The following CRYGS variants were observed in gnomAD, a reference collection of about 807,000 sequenced individuals.
The protein encoded by CRYGS is crystallin gamma S, also known as gamma-crystallin S.
CRYGS carries 13 observed loss-of-function variants against 21.3 expected under a neutral mutation model. The ratio of observed to expected loss-of-function variants is 0.61; its 90% confidence interval spans 0.40 to 0.97. The LOEUF (loss-of-function observed/expected upper bound fraction) is 0.97, where lower values mean the gene tolerates loss of function less well. Ranked by LOEUF, CRYGS falls within the 50% of genes least tolerant of loss-of-function variation. The probability of loss-of-function intolerance (pLI) is 0.00; values close to 1 mark genes in which losing one functional copy is unlikely to be tolerated. For synonymous variants in CRYGS, 67 were observed against 75.0 expected (o/e 0.89, Z 0.55); for missense variants, 205 against 229.7 (o/e 0.89, Z 0.69).
chr3:186,539,321 G>A, intron 2 of CRYGS, 34 bp downstream of exon 2: 1 of 1,611,826 alleles, frequency 6.2e-7, no homozygotes, highest in Non-Finnish European at 8.5e-7. Flanking sequence ...AGAGGGCGTG[G>A]GAAACAGAGG....
chr3:186,540,789 T>C, intron 1 of CRYGS: 3 of 830,556 alleles, frequency 3.6e-6, no homozygotes, highest in Non-Finnish European at 1.5e-6. Context: ...AGAGGATCTT[T>C]GAGCTGAGCA....
At position 186,538,588 on chromosome 3, in the gene CRYGS, A is replaced by G; in HGVS notation, c.*108T>C. ...CTAGAAGCATTTAAGGAGAGGCATTATAGTCAGCAGTGGGATGCATGCCAA... is the reference window on the plus strand; with the variant it reads ...CTAGAAGCATTTAAGGAGAGGCATTGTAGTCAGCAGTGGGATGCATGCCAA... On this transcript the variant is annotated 3_prime_UTR_variant, in exon 3 of 3. Transcript: ENST00000307944. 7.1e-7 allele frequency: 1 copy of G among 1,409,150 alleles called. No homozygotes were observed. The highest frequency in any genetic ancestry group is 1.0e-6 in the Non-Finnish European group (1 of 1,003,276). The allele number at this position is 1,409,150 out of a possible 1,614,324, so 87.3% of individuals were successfully genotyped here.
intron 1 of CRYGS, chr3:186,540,654 T>A: frequency 2.7e-6 from 1 of 364,376 alleles, no homozygotes; most frequent in Non-Finnish European, 3.8e-6. Context: ...ACAGGTGTCA[T>A]GCTTCGAACC....
At chr3:186,542,510 C>A (rs1197400869) in intron 1 of CRYGS, among the ~76,000 whole-genome samples, 1 of 152,150 alleles carries the variant, frequency 6.6e-6, no homozygotes, top group Non-Finnish European at 1.5e-5. Context: ...AAATGGCCTA[C>A]TAATCCAATG....
At chr3:186,544,079 A>G (rs1204300873) in intron 1 of CRYGS, among the ~76,000 whole-genome samples, 1 of 152,226 alleles carries the variant, frequency 6.6e-6, no homozygotes, top group Non-Finnish European at 1.5e-5. Context: ...AATTACCTGT[A>G]TAGTATTTAA....
In CRYGS at chr3:186,539,773, A is replaced by C. The variant is rs1035243549; in HGVS notation, c.22-176T>G. 1.6e-5 allele frequency: 11 copies of C among 695,118 alleles called. No individual in the cohort carries two copies. In the East Asian group the frequency reaches 3.2e-4, roughly 20 times the overall value. The allele number at this position is 695,118 out of a possible 1,614,324, so 43.1% of individuals were successfully genotyped here. A position where few individuals can be genotyped will look rare whatever the true frequency, so the allele number is the denominator to read the frequency against. Reference sequence around the variant, plus strand: ...TTCTGACAGACAACTTCAGTTGTCAACAACAGAAATGAGTTCTTCCTGAAG... The same window carrying C: ...TTCTGACAGACAACTTCAGTTGTCACCAACAGAAATGAGTTCTTCCTGAAG... On this transcript the variant is annotated intron_variant, in intron 1 of 2. Coordinates refer to ENST00000307944, the MANE Select transcript of CRYGS (RefSeq NM_017541.4).
At position 186,544,330 on chromosome 3, in the gene CRYGS, T is replaced by G. The variant is rs553020086; in HGVS notation, c.-4A>C. 2.5e-6 allele frequency: 4 copies of G among 1,603,662 alleles called. No individual in the cohort carries two copies. The African/African-American group carries it at 5.3e-5, about 21-fold the overall frequency. On this transcript the variant is annotated 5_prime_UTR_variant, in exon 1 of 3. Transcript: ENST00000307944. ...CCTTGGTTCCAGTTTTAGACATTTT[T>G]GGTGCATAGACTGGTTTTCCCAGTG... is the stretch of plus-strand genomic sequence containing the variant.
At chr3:186,539,330 G>C (rs1157373267) in intron 2 of CRYGS, 25 bp downstream of exon 2, 3 of 1,611,996 alleles carry the variant, frequency 1.9e-6, no homozygotes. Flanking sequence ...GGGAAACAGA[G>C]GGAGTACACA....
intron 1 of CRYGS, among the ~76,000 whole-genome samples, chr3:186,541,648 G>A (rs1415532081): frequency 6.6e-6 from 1 of 152,192 alleles, no homozygotes; most frequent in East Asian, 1.9e-4. Context: ...GCTGACTCAT[G>A]ATTAGCAATA....
chr3:186,544,196 T>C, intron 1 of CRYGS, 110 bp downstream of exon 1: 1 of 802,850 alleles, frequency 1.2e-6, no homozygotes, highest in East Asian at 2.4e-5. Flanking sequence ...ATCCCAGTTC[T>C]CTAACCACTA....
Position 186,539,555 on chromosome 3 carries a change from C to T in CRYGS, c.64G>A (p.Asp22Asn), listed in dbSNP as rs1043437743. 9.3e-6 allele frequency: 15 copies of T among 1,613,980 alleles called. No homozygotes were observed. The highest frequency in any genetic ancestry group is 4.5e-5 in the East Asian group (2 of 44,904). Residue 22 changes from aspartate to asparagine, a missense_variant, in exon 2 of 3, where the codon GAC (aspartate) becomes AAC (asparagine). By Grantham distance (23) the Asp-to-Asn change is conservative. Coordinates refer to ENST00000307944, the MANE Select transcript of CRYGS (RefSeq NM_017541.4). The part of the protein sequence containing the change: ...EDKNFQGRRY[D>N]CDCDCADFHT... The stretch of plus-strand genomic sequence containing the variant: ...AAATCTGCACAGTCGCAATCACAGT[C>T]ATAGCGACGGCCTTGAAAATTTTTG...
At chr3:186,542,170 C>G (rs3774803) in intron 1 of CRYGS, among the ~76,000 whole-genome samples, 2 of 152,120 alleles carry the variant, frequency 1.3e-5, no homozygotes. Flanking sequence ...ATGCCTGATA[C>G]GGTCACCTGA....
At chr3:186,543,130 G>T (rs114431152) in intron 1 of CRYGS, among the ~76,000 whole-genome samples, 490 of 152,226 alleles carry the variant, frequency 3.2e-3, no homozygotes, top group African/African-American at 0.011. Context: ...AATCTAGATT[G>T]CAAGACTTTC....
rs1713981371 is a variant in CRYGS at position 186,538,623 on chromosome 3, T to C, written c.*73A>G. The C allele has an allele frequency of 6.3e-7, 1 of 1,593,404 alleles. No individual in the cohort carries two copies. Among genetic ancestry groups the C allele is most frequent in the Non-Finnish European group, 8.6e-7 (1 of 1,162,628 alleles). ...GTGGGATGCATGCCAACTGTTTTATTGATGATGCCTATTTGGACCACAAGG... is the reference window on the plus strand; with the variant it reads ...GTGGGATGCATGCCAACTGTTTTATCGATGATGCCTATTTGGACCACAAGG... On this transcript the variant is annotated 3_prime_UTR_variant, in exon 3 of 3. Transcript: ENST00000307944.
intron 1 of CRYGS, among the ~76,000 whole-genome samples, chr3:186,543,561 G>C (rs916505848): frequency 6.6e-6 from 1 of 152,150 alleles, no homozygotes; most frequent in African/African-American, 2.4e-5. Flanking sequence ...AACAACTGGA[G>C]AATATAAGTG....
At chr3:186,544,080 T>C (rs536352837) in intron 1 of CRYGS, among the ~76,000 whole-genome samples, 1 of 152,328 alleles carries the variant, frequency 6.6e-6, no homozygotes, top group East Asian at 1.9e-4. Flanking sequence ...ATTACCTGTA[T>C]AGTATTTAAC....
rs1713994221 is a variant in CRYGS at position 186,539,021 on chromosome 3, G to C, written c.265-53C>G. On this transcript the variant is annotated intron_variant, in intron 2 of 2. Coordinates refer to ENST00000307944, the MANE Select transcript of CRYGS (RefSeq NM_017541.4). ...GAAACCATTATGGAAATCACCAGCA[G>C]GTCAAGAACTTAGAGAACAGTATTG... 1.9e-6 allele frequency: 3 copies of C among 1,596,894 alleles called. No homozygotes were observed. The Admixed American group carries it at 5.0e-5, about 27-fold the overall frequency.
intron 1 of CRYGS, among the ~76,000 whole-genome samples, chr3:186,541,493 C>G (rs1256122500): frequency 1.3e-5 from 2 of 152,144 alleles, no homozygotes; most frequent in Non-Finnish European, 2.9e-5. Flanking sequence ...AGTCTCAATA[C>G]TACTGCTTTC....
intron 1 of CRYGS, among the ~76,000 whole-genome samples, chr3:186,542,840 T>A (rs1056482559): frequency 3.3e-5 from 5 of 152,178 alleles, no homozygotes; most frequent in African/African-American, 1.2e-4. Context: ...ATATCCCTCC[T>A]CTAAGGACCA....
Sources: gnomAD v4.1 joint callset for allele counts (sites outside exome capture counted in the v4.1 genomes callset) on GRCh38, gnomAD v4.1.1 for gene constraint, MANE v1.5 for transcripts, NCBI Gene and HGNC (gene_info 2026-07-23, HGNC 2026-07-21) for gene names.